The following PCDH15 variants were observed in gnomAD, a reference collection of about 807,000 sequenced individuals.
PCDH15 encodes the protein protocadherin-15.
Under a neutral mutation model 178.5 loss-of-function variants are expected in PCDH15, and 129 were observed. The ratio of observed to expected loss-of-function variants is 0.72; its 90% CI spans 0.63 to 0.84. PCDH15 has a LOEUF of 0.84. Among genes scored for constraint, PCDH15 ranks in the 40% least tolerant of loss-of-function variants. The pLI is 0.00. For missense variants in PCDH15, 2,230 were observed against 2,099.9 expected, an observed-to-expected ratio of 1.06 and a Z score of -1.21; for synonymous variants, 800 against 732.0, an observed-to-expected ratio of 1.09 and a Z score of -1.50.
chr10:54,044,244 C>T (rs901119512), intron 18 of PCDH15, among the ~76,000 whole-genome samples: 3 of 151,996 alleles, frequency 2.0e-5, no homozygotes, highest in Admixed American at 2.0e-4. Flanking sequence ...GATTATTCCC[C>T]AAAGGTTGTG....
chr10:55,144,540 T>C (rs1281449076), intron 2 of PCDH15, among the ~76,000 whole-genome samples: 2 of 152,118 alleles, frequency 1.3e-5, no homozygotes, highest in Non-Finnish European at 2.9e-5. Context: ...AGAGGATTGA[T>C]GCAGACATGG....
intron 3 of PCDH15, among the ~76,000 whole-genome samples, chr10:54,888,950 A>C (rs1014904226): frequency 5.3e-5 from 8 of 151,832 alleles, no homozygotes; most frequent in African/African-American, 1.9e-4. Flanking sequence ...ATACAATTAG[A>C]AATTGTTCTA....
chr10:54,346,310 A>G (rs1377760930), intron 6 of PCDH15, 55 bp downstream of exon 6: 1 of 1,551,396 alleles, frequency 6.4e-7, no homozygotes, highest in Non-Finnish European at 8.9e-7. Flanking sequence ...AGCTGAAAAA[A>G]TCATTAATTT....
At chr10:54,980,235 A>C (rs961124332) in intron 2 of PCDH15, among the ~76,000 whole-genome samples, 4 of 152,328 alleles carry the variant, frequency 2.6e-5, no homozygotes, top group African/African-American at 9.6e-5. Context: ...AATCCATTTC[A>C]AAAGAAAGAT....
chr10:55,616,102 T>C (rs1843467974), intron 2 of PCDH15, among the ~76,000 whole-genome samples: 2 of 152,188 alleles, frequency 1.3e-5, no homozygotes, highest in South Asian at 4.1e-4. Context: ...ACCATTACCA[T>C]GCAGCAAAGT....
At chr10:55,553,824 A>C (rs1842041508) in intron 2 of PCDH15, among the ~76,000 whole-genome samples, 1 of 151,960 alleles carries the variant, frequency 6.6e-6, no homozygotes, top group Non-Finnish European at 1.5e-5. Context: ...TGCATAATTA[A>C]GATGATTATG....
chr10:55,412,228 G>A (rs1247477476), intron 2 of PCDH15, among the ~76,000 whole-genome samples: 1 of 151,968 alleles, frequency 6.6e-6, no homozygotes, highest in South Asian at 2.1e-4. Flanking sequence ...ACTGAATGGA[G>A]GGGATTTGAG....
chr10:54,364,971 T>C (rs1016775055), intron 5 of PCDH15, among the ~76,000 whole-genome samples: 8 of 152,134 alleles, frequency 5.3e-5, no homozygotes, highest in Admixed American at 1.3e-4. Flanking sequence ...GGCTAAGTCC[T>C]TCTAAGTCTT....
intron 2 of PCDH15, among the ~76,000 whole-genome samples, chr10:55,549,883 T>G (rs1841968937): frequency 6.6e-6 from 1 of 151,892 alleles, no homozygotes; most frequent in Non-Finnish European, 1.5e-5. Flanking sequence ...AGAGGGGAGA[T>G]AGTGGGAAAT....
chr10:55,510,920 G>T lies in PCDH15; in HGVS notation c.-156+116705C>A, dbSNP rs548596774. 1.4e-3 allele frequency among the ~76,000 whole-genome samples: 208 copies of T among 151,238 alleles called. 2 individuals carry two copies. Among genetic ancestry groups the T allele is most frequent in the African/African-American group, 4.9e-3 (204 of 41,360 alleles). On this transcript the variant is annotated intron_variant, in intron 2 of 5. Transcript: ENST00000613346. Reference sequence around the variant, plus strand: ...TCTTTCTACAGGCTGGAGTGCAGTGGAGTGATCGTGGCTTACTAAAGCCTC... The same window carrying T: ...TCTTTCTACAGGCTGGAGTGCAGTGTAGTGATCGTGGCTTACTAAAGCCTC...
At chr10:55,222,901 T>C (rs990566368) in intron 1 of PCDH15, among the ~76,000 whole-genome samples, 10 of 151,738 alleles carry the variant, frequency 6.6e-5, no homozygotes, top group Admixed American at 2.0e-4. Context: ...AAGCACAAAT[T>C]ATAGTGAAAT....
rs114606619 is a variant in PCDH15, at chr10:54,826,292, T to A, written c.-29+71158A>T. On this transcript the variant is annotated intron_variant, in intron 3 of 5. Transcript: ENST00000458638. ...ATCTGGAAATTTTCAATCAGCTATA[T>A]TGCTTTGTGGAAATTCTTCCTGACA... Among the ~76,000 whole-genome samples the A allele has an allele frequency of 3.7e-3, 559 of 152,110 alleles. 1 individual carries two copies. The highest frequency in any genetic ancestry group is 0.013 in the African/African-American group (537 of 41,526).
At chr10:53,950,286 C>A (rs1488081520) in intron 23 of PCDH15, among the ~76,000 whole-genome samples, 1 of 151,750 alleles carries the variant, frequency 6.6e-6, no homozygotes, top group East Asian at 1.9e-4. Flanking sequence ...GATATTTGCC[C>A]TTATTTTATT....
chr10:54,421,865 ACACAC>A (rs1223690361), intron 3 of PCDH15, among the ~76,000 whole-genome samples: 7 of 84,194 alleles, frequency 8.3e-5, no homozygotes, highest in African/African-American at 2.9e-4. Flanking sequence ...ATATATATAC[ACACAC>A]TATATATATA....
intron 27 of PCDH15, 128 bp downstream of exon 27, chr10:53,866,514 G>C: frequency 1.5e-6 from 1 of 660,118 alleles, no homozygotes; most frequent in South Asian, 1.6e-5. Flanking sequence ...CTAACAATCT[G>C]AGTGAAAATA....
chr10:55,512,416 T>A (rs1840906240), intron 2 of PCDH15, among the ~76,000 whole-genome samples: 1 of 152,072 alleles, frequency 6.6e-6, no homozygotes, highest in Non-Finnish European at 1.5e-5. Flanking sequence ...TTTTAGCTAC[T>A]AAAAACCTGG....
chr10:55,502,788 T>G (rs1840683727), intron 2 of PCDH15, among the ~76,000 whole-genome samples: 1 of 151,696 alleles, frequency 6.6e-6, no homozygotes, highest in African/African-American at 2.4e-5. Context: ...GAAAGCGTAG[T>G]GCATTGGCTA....
intron 20 of PCDH15, among the ~76,000 whole-genome samples, chr10:54,002,917 C>T (rs2092231113): frequency 6.6e-6 from 1 of 152,158 alleles, no homozygotes; most frequent in Non-Finnish European, 1.5e-5. Flanking sequence ...AGGTCCCCTT[C>T]CACCATGTGG....
intron 2 of PCDH15, among the ~76,000 whole-genome samples, chr10:54,929,986 G>C (rs78238928): frequency 0.022 from 3,336 of 152,214 alleles, 137 homozygotes; most frequent in African/African-American, 0.074. Context: ...CAAATCATTT[G>C]TTTTCTAACT....
Sources: allele counts gnomAD v4.1 joint callset (sites outside exome capture counted in the v4.1 genomes callset), GRCh38; gene constraint gnomAD v4.1.1; transcripts MANE v1.5; gene names NCBI Gene and HGNC (gene_info 2026-07-23, HGNC 2026-07-21).